Variants in SLC5A11 observed in about 807,000 individuals in gnomAD.
The protein encoded by SLC5A11 is solute carrier family 5 member 11.
Under a neutral mutation model 69.8 loss-of-function variants are expected in SLC5A11, and 48 were observed. The ratio of observed to expected loss-of-function variants is 0.69; its 90% confidence interval spans 0.55 to 0.87. The LOEUF (loss-of-function observed/expected upper bound fraction) is 0.87. SLC5A11 is among the 40% of genes least tolerant of loss of function. The pLI, the probability that SLC5A11 is intolerant of heterozygous loss-of-function variation, is 0.00. For synonymous variants in SLC5A11, 319 were observed against 342.4 expected (o/e 0.93, Z 0.75); for missense variants, 784 against 866.1 (o/e 0.91, Z 1.19).
intron 1 of SLC5A11, among the ~76,000 whole-genome samples, chr16:24,847,210 T>G (rs920533857): frequency 2.6e-5 from 4 of 151,960 alleles, no homozygotes; most frequent in African/African-American, 9.7e-5. Flanking sequence ...ATTTCTTTCC[T>G]TATTCCTTTC....
At chr16:24,906,756 T>C in exon 11 of SLC5A11, 2 of 1,612,004 alleles carry the variant, frequency 1.2e-6, no homozygotes, top group South Asian at 1.1e-5. Flanking sequence ...CTGGAACTCC[T>C]GCCCACAGGT....
At chr16:24,858,907 A>T in intron 2 of SLC5A11, 129 bp downstream of exon 3, 1 of 1,222,846 alleles carries the variant, frequency 8.2e-7, no homozygotes, top group Non-Finnish European at 1.1e-6. Flanking sequence ...ACAAGGTTAT[A>T]GAGTAATCAG....
Position 24,857,135 on chromosome 16 carries a change from G to A in SLC5A11, c.-24-1485G>A, listed in dbSNP as rs905763022. Among the ~76,000 whole-genome samples, 6 of 152,272 alleles carry A rather than the reference G, an allele frequency of 3.9e-5. 1 individual carries two copies. Among genetic ancestry groups the A allele is most frequent in the Admixed American group, 1.3e-4 (2 of 15,290 alleles). The stretch of plus-strand genomic sequence containing the variant: ...GAGCCCGGCCAAGGTGTACAGCTTC[G>A]GAGCCTGAATTCTTAACATCTCTCC... On this transcript the variant is annotated intron_variant, in intron 1 of 15. Coordinates refer to ENST00000347898, the Ensembl canonical transcript of SLC5A11.
chr16:24,869,144 A>C (rs868748487), intron 3 of SLC5A11, among the ~76,000 whole-genome samples: 3 of 152,112 alleles, frequency 2.0e-5, no homozygotes, highest in African/African-American at 7.2e-5. Flanking sequence ...CTGGGATTAC[A>C]AACGTGAGCC....
At chr16:24,902,930 A>G (rs188778097) in intron 10 of SLC5A11, among the ~76,000 whole-genome samples, 24 of 152,356 alleles carry the variant, frequency 1.6e-4, no homozygotes, top group African/African-American at 4.6e-4. Flanking sequence ...TGGAAAAATA[A>G]CATAAACTAT....
chr16:24,903,045 T>C (rs141151718), intron 10 of SLC5A11, among the ~76,000 whole-genome samples: 4 of 152,288 alleles, frequency 2.6e-5, no homozygotes, highest in African/African-American at 9.6e-5. Context: ...ATTTGAAGTC[T>C]CTCTCCCTTC....
chr16:24,851,513 A>G (rs905237651), intron 1 of SLC5A11, among the ~76,000 whole-genome samples: 1 of 152,058 alleles, frequency 6.6e-6, no homozygotes, highest in Non-Finnish European at 1.5e-5. Flanking sequence ...CCACTGCACT[A>G]CAGTCTGGGG....
At chr16:24,889,906 G>A (rs1199517013) in intron 8 of SLC5A11, among the ~76,000 whole-genome samples, 1 of 152,020 alleles carries the variant, frequency 6.6e-6, no homozygotes, top group Non-Finnish European at 1.5e-5. Flanking sequence ...TTAATATTTT[G>A]ATGGTTCAAT....
chr16:24,906,931 C>T, intron 11 of SLC5A11, 94 bp from the exon 13 acceptor site: 1 of 1,529,020 alleles, frequency 6.5e-7, no homozygotes, highest in Non-Finnish European at 8.9e-7. Context: ...CCCCGCCGTC[C>T]TCCCTGAGGT....
At chr16:24,901,824 C>G (rs1476721402) in intron 10 of SLC5A11, among the ~76,000 whole-genome samples, 1 of 151,696 alleles carries the variant, frequency 6.6e-6, no homozygotes, top group African/African-American at 2.4e-5. Flanking sequence ...GTGGCTCACG[C>G]CTGTAATCCC....
At chr16:24,846,064 A>C (rs1012671950) in exon 1 of SLC5A11, 9 of 152,596 alleles carry the variant, frequency 5.9e-5, no homozygotes, top group African/African-American at 1.9e-4. Context: ...CAACCCCTCC[A>C]TGCCATGGGT....
intron 14 of SLC5A11, 38 bp from the exon 16 acceptor site, chr16:24,910,268 C>T (rs1274537501): frequency 6.2e-6 from 10 of 1,603,790 alleles, no homozygotes; most frequent in African/African-American, 1.3e-5. Flanking sequence ...CCGGCCCCAC[C>T]TCCACCACAA....
At chr16:24,868,188 C>A (rs1475443823) in intron 3 of SLC5A11, among the ~76,000 whole-genome samples, 1 of 146,468 alleles carries the variant, frequency 6.8e-6, no homozygotes, top group Non-Finnish European at 1.5e-5. Flanking sequence ...AAACTTCTCA[C>A]AAAGAAAAAG....
intron 1 of SLC5A11, among the ~76,000 whole-genome samples, chr16:24,848,430 A>G (rs2059123539): frequency 1.3e-5 from 2 of 152,126 alleles, no homozygotes. Context: ...GCAACATAGC[A>G]AGACCCCGTC....
chr16:24,861,750 AAAG>A (rs2046570863), intron 2 of SLC5A11, among the ~76,000 whole-genome samples: 1 of 141,640 alleles, frequency 7.1e-6, no homozygotes, highest in South Asian at 2.2e-4. Flanking sequence ...AAAGAAAGAA[AAAG>A]AAGGAAAGAA....
At chr16:24,910,186 G>A in intron 14 of SLC5A11, 120 bp from the exon 16 acceptor site, 1 of 885,012 alleles carries the variant, frequency 1.1e-6, no homozygotes, top group Non-Finnish European at 1.7e-6. Flanking sequence ...GGAGGGTGGG[G>A]CTGGGAGCAG....
rs142960306 is a variant in SLC5A11 at position 24,888,887 on chromosome 16, C to A, written c.665-1982C>A. Among the ~76,000 whole-genome samples the A allele has an allele frequency of 2.1e-3, 306 of 149,058 alleles. 5 individuals carry two copies. In the East Asian group the frequency reaches 0.04, roughly 20 times the overall value. The stretch of plus-strand genomic sequence containing the variant: ...TCTTGGCTCACTGCAACCTCCACCT[C>A]CCGGGTTCAAGCAATTCTCCTGCCT... On this transcript the variant is annotated intron_variant, in intron 8 of 15. Transcript: ENST00000347898.
At chr16:24,891,191 C>T in intron 9 of SLC5A11, 117 bp downstream of exon 10, 1 of 914,106 alleles carries the variant, frequency 1.1e-6, no homozygotes, top group Non-Finnish European at 1.7e-6. Context: ...TTCCCTGCTT[C>T]CTTGACTACT....
At chr16:24,892,824 T>G (rs1404623382) in intron 9 of SLC5A11, among the ~76,000 whole-genome samples, 1 of 152,056 alleles carries the variant, frequency 6.6e-6, no homozygotes, top group East Asian at 1.9e-4. Context: ...CAGCCCTCCT[T>G]TGAGCGGAGA....
Sources: gnomAD v4.1 joint callset for allele counts (sites outside exome capture counted in the v4.1 genomes callset) on GRCh38, gnomAD v4.1.1 for gene constraint, MANE v1.5 for transcripts, NCBI Gene and HGNC (gene_info 2026-07-23, HGNC 2026-07-21) for gene names.